EPB41L3: variants seen among roughly 807,000 people sequenced by gnomAD.
EPB41L3 encodes band 4.1-like protein 3.
A neutral mutation model predicts 127.1 loss-of-function variants in EPB41L3; 57 were observed. That is an observed-to-expected ratio of 0.45 (90% CI 0.36 to 0.56). The LOEUF (loss-of-function observed/expected upper bound fraction) is 0.56, where lower values mean the gene tolerates loss of function less well. EPB41L3 is among the 20% of genes least tolerant of loss of function. The pLI is 0.00. For synonymous variants in EPB41L3, 572 were observed against 549.5 expected, an observed-to-expected ratio of 1.04 and a Z score of -0.57; for missense variants, 1,273 against 1,372.2, an observed-to-expected ratio of 0.93 and a Z score of 1.14.
intron 3 of EPB41L3, among the ~76,000 whole-genome samples, chr18:5,596,411 A>T (rs2094537381): frequency 6.6e-6 from 1 of 152,214 alleles, no homozygotes; most frequent in Non-Finnish European, 1.5e-5. Context: ...TGAGGCCTTC[A>T]GAAGCTGGGT....
intron 1 of EPB41L3, among the ~76,000 whole-genome samples, chr18:5,519,481 C>T (rs113551789): frequency 0.016 from 2,512 of 152,308 alleles, 58 homozygotes; most frequent in African/African-American, 0.056. Context: ...CACTCTACCA[C>T]AACCAGTCAA....
At chr18:5,482,383 C>A (rs1460751039) in intron 2 of EPB41L3, among the ~76,000 whole-genome samples, 2 of 152,054 alleles carry the variant, frequency 1.3e-5, no homozygotes, top group Non-Finnish European at 2.9e-5. Context: ...AAAGACCAAA[C>A]CTAAGAATTA....
At position 5,457,726 on chromosome 18, in the gene EPB41L3, C is replaced by T. The variant is rs551445760; in HGVS notation, c.382-12482G>A. Among the ~76,000 whole-genome samples the T allele has an allele frequency of 1.4e-4, 21 of 152,210 alleles. No individual in the cohort carries two copies. The South Asian group carries it at 3.3e-3, about 24-fold the overall frequency. ...CTGTGACTTCCCTGCTACCTCACCT[C>T]GCTCCCTGTGAGGCTCTCTCCTGCA... On this transcript the variant is annotated intron_variant, in intron 3 of 22. Transcript: ENST00000341928.
At position 5,400,738 on chromosome 18, in the gene EPB41L3, A is replaced by G; in HGVS notation, c.2350-2595T>C. On this transcript the variant is annotated intron_variant, in intron 16 of 22. Coordinates refer to ENST00000341928, the MANE Select transcript of EPB41L3 (RefSeq NM_012307.5). ...AGAAAGTAAGTCAATGACAACATAC[A>G]GAGAAAAATCAGCTTGGATTAGAAG... The G allele has an allele frequency of 5.4e-6, 3 of 557,448 alleles. No homozygotes were observed. In the South Asian group the frequency reaches 6.1e-5, roughly 11 times the overall value. 34.5% of individuals were successfully genotyped at this position (557,448 alleles called of 1,614,324 possible). A position where few individuals can be genotyped will look rare whatever the true frequency, so the allele number is the denominator to read the frequency against.
In EPB41L3 at chr18:5,397,133, A is replaced by G; in HGVS notation, c.2766T>C (p.Ala922=). 6.2e-7 allele frequency: 1 copy of G among 1,614,186 alleles called. No individual in the cohort carries two copies. The highest frequency in any genetic ancestry group is 8.5e-7 in the Non-Finnish European group (1 of 1,180,014). Residue 922 remains alanine (A), a synonymous_variant, in exon 18 of 23, where the codon GCT becomes GCC. Coordinates refer to ENST00000341928, the MANE Select transcript of EPB41L3 (RefSeq NM_012307.5). The surrounding 1 kb of genome is among the most constrained non-coding windows in gnomAD (Gnocchi z 4.1). ...AVLEQEETAA[A]SRERQEEQSA... is the part of the protein sequence containing the mutation. ...TCTGCTCCTCTTGTCGCTCACGGGA[A>G]GCAGCGGCTGTCTCTTCCTGTTCCA...
intron 1 of EPB41L3, among the ~76,000 whole-genome samples, chr18:5,627,389 T>A (rs1156879217): frequency 1.3e-5 from 2 of 152,180 alleles, no homozygotes; most frequent in East Asian, 3.9e-4. Context: ...AGATCCCAGT[T>A]TCTCTAGGTA....
At chr18:5,557,578 G>C (rs111672548) in intron 3 of EPB41L3, among the ~76,000 whole-genome samples, 8,806 of 152,184 alleles carry the variant, frequency 0.058, 535 homozygotes, top group African/African-American at 0.15. Context: ...TAGAGATGGG[G>C]TTTCGCCAGG....
intron 3 of EPB41L3, among the ~76,000 whole-genome samples, chr18:5,462,885 T>C (rs776321190): frequency 1.3e-5 from 2 of 152,196 alleles, no homozygotes; most frequent in African/African-American, 2.4e-5. Context: ...TCCAGGCACT[T>C]TAAATTCAAC....
intron 6 of EPB41L3, among the ~76,000 whole-genome samples, chr18:5,435,295 C>T (rs2079599962): frequency 6.6e-6 from 1 of 152,046 alleles, no homozygotes; most frequent in Admixed American, 6.6e-5. Flanking sequence ...GTTTATAAAG[C>T]CCACAGTAGT....
At chr18:5,405,849 ACAGC>A (rs2075297273) in intron 16 of EPB41L3, among the ~76,000 whole-genome samples, 2 of 151,988 alleles carry the variant, frequency 1.3e-5, no homozygotes, top group Admixed American at 1.3e-4. Context: ...CTTTAAATGT[ACAGC>A]CAAAGAGTGT....
At chr18:5,419,227 A>C (rs1254917160) in intron 12 of EPB41L3, among the ~76,000 whole-genome samples, 1 of 152,230 alleles carries the variant, frequency 6.6e-6, no homozygotes, top group Non-Finnish European at 1.5e-5. Context: ...AAACATGGCC[A>C]GTCACTACTC....
chr18:5,605,073 G>T (rs1344638939), intron 3 of EPB41L3, among the ~76,000 whole-genome samples: 1 of 152,062 alleles, frequency 6.6e-6, no homozygotes, highest in African/African-American at 2.4e-5. Flanking sequence ...CATCCAAAAT[G>T]ACTAGTCTCT....
intron 1 of EPB41L3, among the ~76,000 whole-genome samples, chr18:5,540,026 C>CT (rs2093677299): frequency 6.6e-6 from 1 of 151,982 alleles, no homozygotes; most frequent in South Asian, 2.1e-4. Flanking sequence ...TTAGAGAGAC[C>CT]ACATACTTTT....
chr18:5,507,666 C>T (rs1363474263), intron 1 of EPB41L3, among the ~76,000 whole-genome samples: 1 of 152,062 alleles, frequency 6.6e-6, no homozygotes, highest in Non-Finnish European at 1.5e-5. Flanking sequence ...AATAAATGGG[C>T]CATCTTTTTT....
intron 1 of EPB41L3, among the ~76,000 whole-genome samples, chr18:5,492,874 A>C (rs955799143): frequency 1.3e-5 from 2 of 152,200 alleles, no homozygotes; most frequent in African/African-American, 4.8e-5. Context: ...ATCATATTTC[A>C]ATATCCCTCT....
intron 13 of EPB41L3, 110 bp downstream of exon 13, chr18:5,415,707 CA>C: frequency 8.6e-7 from 1 of 1,163,134 alleles, no homozygotes; most frequent in Non-Finnish European, 1.2e-6. Context: ...TTGGCACAGA[CA>C]ATAAATGAGG....
intron 10 of EPB41L3, 28 bp downstream of exon 10, chr18:5,424,234 G>T: frequency 6.8e-7 from 1 of 1,473,256 alleles, no homozygotes; most frequent in Non-Finnish European, 9.2e-7. Flanking sequence ...TTATTCCTTA[G>T]GGAAAAAACA....
rs79658419 is a variant in EPB41L3, at chr18:5,494,268, G to A, written c.-11-5074C>T. Among the ~76,000 whole-genome samples, 249 of 152,218 alleles carry A rather than the reference G, an allele frequency of 1.6e-3. 11 individuals are homozygous for A. In the East Asian group the frequency reaches 0.046, roughly 28 times the overall value. On this transcript the variant is annotated intron_variant, in intron 1 of 22. Coordinates refer to ENST00000341928, the MANE Select transcript of EPB41L3 (RefSeq NM_012307.5). ...AGCAGGTGGCCTCCATCTGTCCAGA[G>A]GCTCATGCTGGGACTGGGACAGCAC...
chr18:5,495,749 A>G (rs1224402732), intron 1 of EPB41L3, among the ~76,000 whole-genome samples: 1 of 152,246 alleles, frequency 6.6e-6, no homozygotes, highest in Non-Finnish European at 1.5e-5. Context: ...GGGCAGGAAA[A>G]GTGGGTTCCG....
Sources: allele counts gnomAD v4.1 joint callset (sites outside exome capture counted in the v4.1 genomes callset), GRCh38; gene constraint gnomAD v4.1.1; non-coding constraint Gnocchi (gnomAD v3.1); transcripts MANE v1.5; gene names NCBI Gene and HGNC (gene_info 2026-07-23, HGNC 2026-07-21).